Variants in ADGRB3 observed in about 807,000 individuals in gnomAD.
ADGRB3 encodes adhesion G protein-coupled receptor B3.
ADGRB3 carries 37 observed loss-of-function variants against 193.4 expected under a neutral mutation model. The ratio of observed to expected loss-of-function variants is 0.19; its 90% CI spans 0.15 to 0.25. The LOEUF (loss-of-function observed/expected upper bound fraction) is 0.25, where lower values mean the gene tolerates loss of function less well. Ranked by LOEUF, ADGRB3 falls within the 10% of genes least tolerant of loss-of-function variation. The pLI is 1.00. For synonymous variants in ADGRB3, 690 were observed against 644.2 expected, an observed-to-expected ratio of 1.07 and a Z score of -1.08; for missense variants, 1,637 against 1,852.9, an observed-to-expected ratio of 0.88 and a Z score of 2.14.
At chr6:69,287,137 C>A (rs1036416253) in intron 20 of ADGRB3, among the ~76,000 whole-genome samples, 1 of 152,160 alleles carries the variant, frequency 6.6e-6, no homozygotes, top group Admixed American at 6.5e-5. Flanking sequence ...AGGTCAGTTT[C>A]TTGAGTCTGT....
chr6:68,770,754 G>T (rs1402185052), intron 3 of ADGRB3, among the ~76,000 whole-genome samples: 2 of 152,072 alleles, frequency 1.3e-5, no homozygotes, highest in East Asian at 3.9e-4. Flanking sequence ...TTGAGGTGGG[G>T]CTAATGCTGG....
At chr6:69,087,350 A>T (rs1772580110) in intron 17 of ADGRB3, among the ~76,000 whole-genome samples, 1 of 152,178 alleles carries the variant, frequency 6.6e-6, no homozygotes, top group Non-Finnish European at 1.5e-5. Context: ...TGACATACTG[A>T]ACTGATGTTA....
chr6:68,758,561 G>A (rs1347741506), intron 3 of ADGRB3, among the ~76,000 whole-genome samples: 1 of 152,040 alleles, frequency 6.6e-6, no homozygotes, highest in Non-Finnish European at 1.5e-5. Context: ...ATCTTCTAGT[G>A]TATTCCCCCA....
intron 3 of ADGRB3, among the ~76,000 whole-genome samples, chr6:68,776,963 G>A (rs1766759372): frequency 2.6e-5 from 4 of 151,936 alleles, no homozygotes; most frequent in Admixed American, 2.6e-4. Flanking sequence ...GTGGTCTTTG[G>A]GTTAGGAAAA....
intron 11 of ADGRB3, among the ~76,000 whole-genome samples, chr6:69,002,788 G>T (rs1328892390): frequency 2.0e-5 from 3 of 152,082 alleles, no homozygotes; most frequent in Admixed American, 2.0e-4. Context: ...AATAAGATCT[G>T]GGAAGGCTTT....
At chr6:69,205,042 C>T (rs1317217104) in intron 17 of ADGRB3, among the ~76,000 whole-genome samples, 1 of 151,970 alleles carries the variant, frequency 6.6e-6, no homozygotes, top group Non-Finnish European at 1.5e-5. Flanking sequence ...TACACTTTTT[C>T]CATTAAAAGT....
At chr6:68,946,779 T>C (rs1221312077) in intron 6 of ADGRB3, among the ~76,000 whole-genome samples, 1 of 152,100 alleles carries the variant, frequency 6.6e-6, no homozygotes, top group Admixed American at 6.6e-5. Context: ...GTTAAAGCAT[T>C]ATAGTCGTAA....
intron 12 of ADGRB3, 101 bp from the exon 13 acceptor site, chr6:69,018,290 A>C (rs16900417): frequency 0.025 from 16,994 of 667,362 alleles, 274 homozygotes; most frequent in East Asian, 0.05. Flanking sequence ...GAAGTGAAAC[A>C]AAGCTCATTT....
chr6:68,669,772 A>G (rs1768900199), intron 3 of ADGRB3, among the ~76,000 whole-genome samples: 1 of 151,808 alleles, frequency 6.6e-6, no homozygotes, highest in Non-Finnish European at 1.5e-5. Context: ...CGATGTATTG[A>G]TTTCCTTTCT....
At position 68,844,439 on chromosome 6, in the gene ADGRB3, T is replaced by G. The variant is rs114141046; in HGVS notation, c.758-86120T>G. ...AGAGAAATGTGAATGAAAGCTGCAA[T>G]GAGATATTATCTCACACAAGTTAAA... On this transcript the variant is annotated intron_variant, in intron 3 of 31. Coordinates refer to ENST00000370598, the MANE Select transcript of ADGRB3 (RefSeq NM_001704.3). Among the ~76,000 whole-genome samples the G allele has an allele frequency of 2.9e-3, 438 of 152,262 alleles. 3 individuals are homozygous for G. Among genetic ancestry groups the G allele is most frequent in the African/African-American group, 9.0e-3 (375 of 41,556 alleles).
At chr6:68,876,889 A>G (rs579773) in intron 3 of ADGRB3, among the ~76,000 whole-genome samples, 32,040 of 151,734 alleles carry the variant, frequency 0.21, 3,950 homozygotes, top group East Asian at 0.58. Flanking sequence ...GCTCTTACTG[A>G]TTTTTTTCAA....
intron 11 of ADGRB3, among the ~76,000 whole-genome samples, chr6:69,005,581 A>G (rs1485246670): frequency 6.6e-6 from 1 of 152,090 alleles, no homozygotes; most frequent in African/African-American, 2.4e-5. Context: ...CCACGTGACT[A>G]TTACAGGCGT....
intron 3 of ADGRB3, among the ~76,000 whole-genome samples, chr6:68,840,704 C>T (rs1392862341): frequency 1.3e-5 from 2 of 151,922 alleles, no homozygotes; most frequent in South Asian, 4.2e-4. Context: ...AACAAACAAA[C>T]AAACAAAACA....
At chr6:68,878,091 A>G (rs992874277) in intron 3 of ADGRB3, among the ~76,000 whole-genome samples, 3 of 152,076 alleles carry the variant, frequency 2.0e-5, no homozygotes, top group Non-Finnish European at 2.9e-5. Context: ...TTTTCATTAT[A>G]TTAAACTTAA....
intron 17 of ADGRB3, among the ~76,000 whole-genome samples, chr6:69,162,089 A>C (rs1326483679): frequency 6.6e-6 from 1 of 152,086 alleles, no homozygotes; most frequent in Non-Finnish European, 1.5e-5. Context: ...TTGATGGCCA[A>C]GGTGATGGTT....
At chr6:68,814,680 C>A (rs1374854539) in intron 3 of ADGRB3, among the ~76,000 whole-genome samples, 1 of 152,040 alleles carries the variant, frequency 6.6e-6, no homozygotes, top group African/African-American at 2.4e-5. Context: ...AGAGACACAA[C>A]AAAACAAGAG....
At position 68,813,701 on chromosome 6, in the gene ADGRB3, C is replaced by G. The variant is rs574319252; in HGVS notation, c.758-116858C>G. On this transcript the variant is annotated intron_variant, in intron 3 of 31. Coordinates refer to ENST00000370598, the MANE Select transcript of ADGRB3 (RefSeq NM_001704.3). ...AGGTATATCTCCTAATGCTATCCCT[C>G]CCCACTCCCCTCATCCCACAACAGG... is the stretch of plus-strand genomic sequence containing the variant. Among the ~76,000 whole-genome samples, 5 of 152,068 alleles carry G rather than the reference C, an allele frequency of 3.3e-5. No individual in the cohort carries two copies. The East Asian group carries it at 7.7e-4, about 23-fold the overall frequency.
intron 17 of ADGRB3, among the ~76,000 whole-genome samples, chr6:69,185,471 C>CACAGA (rs1262322332): frequency 6.6e-6 from 1 of 152,148 alleles, no homozygotes; most frequent in East Asian, 1.9e-4. Context: ...ACATTTTCAG[C>CACAGA]ACAGAACAGA....
chr6:68,635,324 T>C lies in ADGRB3; in HGVS notation c.-864T>C, dbSNP rs1179829294. 6.6e-6 allele frequency: 1 copy of C among 151,120 alleles called. No individual in the cohort carries two copies. Among genetic ancestry groups the C allele is most frequent in the African/African-American group, 2.4e-5 (1 of 41,086 alleles). The allele number at this position is 151,120 out of a possible 1,614,324, so 9.4% of individuals were successfully genotyped here. A position where few individuals can be genotyped will look rare whatever the true frequency, so the allele number is the denominator to read the frequency against. On this transcript the variant is annotated 5_prime_UTR_variant, in exon 1 of 32. Transcript: ENST00000370598. ...ACACCCGAGACAGAGCTTTACTATC[T>C]CGCTCCCTCTCGCGCCTCCCTCCTC...
Sources: allele counts gnomAD v4.1 joint callset (sites outside exome capture counted in the v4.1 genomes callset), GRCh38; gene constraint gnomAD v4.1.1; transcripts MANE v1.5; gene names NCBI Gene and HGNC (gene_info 2026-07-23, HGNC 2026-07-21).